Variants in PKHD1 observed in about 807,000 individuals in gnomAD.
PKHD1 encodes fibrocystin.
A neutral mutation model predicts 412.0 loss-of-function variants in PKHD1; 291 were observed. The observed-to-expected ratio is 0.71, with a 90% confidence interval of 0.64 to 0.78. PKHD1 has a LOEUF of 0.78. PKHD1 is among the 30% of genes least tolerant of loss of function. The probability of loss-of-function intolerance (pLI) is 0.00; values close to 1 mark genes in which losing one functional copy is unlikely to be tolerated. For synonymous variants in PKHD1, 1,777 were observed against 1,821.5 expected, an observed-to-expected ratio of 0.98 and a Z score of 0.62; for missense variants, 4,825 against 4,950.7, an observed-to-expected ratio of 0.97 and a Z score of 0.76.
chr6:52,018,867 A>G (rs114848361), intron 33 of PKHD1, among the ~76,000 whole-genome samples: 9 of 152,332 alleles, frequency 5.9e-5, no homozygotes, highest in African/African-American at 2.2e-4. Flanking sequence ...CTCTTCTGTG[A>G]AATTCCTGTT....
At chr6:51,759,479 C>G (rs1787612869) in intron 55 of PKHD1, among the ~76,000 whole-genome samples, 1 of 151,892 alleles carries the variant, frequency 6.6e-6, no homozygotes, top group African/African-American at 2.4e-5. Flanking sequence ...GGTGGTATAG[C>G]TAGGAAAAGC....
intron 48 of PKHD1, among the ~76,000 whole-genome samples, chr6:51,861,555 G>C (rs961869941): frequency 6.6e-6 from 1 of 152,202 alleles, no homozygotes; most frequent in African/African-American, 2.4e-5. Flanking sequence ...GCACAAAGGG[G>C]AAGAAAAATC....
intron 60 of PKHD1, among the ~76,000 whole-genome samples, chr6:51,725,613 G>C (rs1222697343): frequency 6.6e-6 from 1 of 152,152 alleles, no homozygotes; most frequent in Non-Finnish European, 1.5e-5. Context: ...AATTAATGGT[G>C]GTTTAATGGG....
chr6:51,690,476 C>T (rs1467061855), intron 60 of PKHD1, among the ~76,000 whole-genome samples: 1 of 151,956 alleles, frequency 6.6e-6, no homozygotes, highest in Non-Finnish European at 1.5e-5. Context: ...AGACACAGAC[C>T]AATGAAACAG....
chr6:51,652,421 G>A (rs1399594535), intron 61 of PKHD1, among the ~76,000 whole-genome samples: 3 of 152,096 alleles, frequency 2.0e-5, no homozygotes, highest in Non-Finnish European at 4.4e-5. Context: ...CTACTGTGGT[G>A]GGGTGAGGTG....
intron 53 of PKHD1, among the ~76,000 whole-genome samples, chr6:51,776,661 G>T (rs1211952458): frequency 6.6e-6 from 1 of 152,034 alleles, no homozygotes; most frequent in Non-Finnish European, 1.5e-5. Context: ...TAAGGGACTT[G>T]TCTAAATTGA....
chr6:51,742,691 T>C (rs1475790307), intron 60 of PKHD1, among the ~76,000 whole-genome samples: 1 of 151,884 alleles, frequency 6.6e-6, no homozygotes, highest in East Asian at 1.9e-4. Flanking sequence ...TACACATCAG[T>C]GAACAACAAA....
intron 35 of PKHD1, among the ~76,000 whole-genome samples, chr6:51,986,641 G>T (rs1796253253): frequency 6.6e-6 from 1 of 152,140 alleles, no homozygotes; most frequent in Non-Finnish European, 1.5e-5. Context: ...TCAAGTAAAA[G>T]GACAGAAAAG....
At chr6:51,774,512 C>T (rs1790677685) in intron 54 of PKHD1, among the ~76,000 whole-genome samples, 1 of 151,748 alleles carries the variant, frequency 6.6e-6, no homozygotes, top group Admixed American at 6.6e-5. Flanking sequence ...TCTAGTTTGT[C>T]AACTTAGAAA....
rs765300669 is a variant in PKHD1, at chr6:52,026,038, G to A, written c.3772C>T (p.Pro1258Ser). 6.2e-6 allele frequency: 10 copies of A among 1,614,080 alleles called. No individual in the cohort carries two copies. The East Asian group carries it at 2.0e-4, about 32-fold the overall frequency. Reference sequence around the variant, plus strand: ...GGAACAGTGGGAGCGCCCGCATCGGGTATCTGGGGGGCTGGCAGGGTTTCA... The same window carrying A: ...GGAACAGTGGGAGCGCCCGCATCGGATATCTGGGGGGCTGGCAGGGTTTCA... ...WCETLPAPQI[P>S]DAGAPTVPAA... is the part of the protein sequence containing the mutation. Residue 1258 changes from proline to serine, a missense_variant, in exon 32 of 67, where the codon CCC becomes TCC. Coordinates refer to ENST00000371117, the MANE Select transcript of PKHD1 (RefSeq NM_138694.4).
intron 60 of PKHD1, among the ~76,000 whole-genome samples, chr6:51,723,658 G>A (rs1045292576): frequency 1.1e-4 from 16 of 152,174 alleles, no homozygotes; most frequent in Admixed American, 1.0e-3. Flanking sequence ...TTTTGGACTA[G>A]TTATGTGTGG....
chr6:51,748,661 G>A lies in PKHD1; in HGVS notation c.8955C>T (p.Val2985=), dbSNP rs1324020809. 7 of 1,613,490 alleles carry A rather than the reference G, an allele frequency of 4.3e-6. No homozygotes were observed. Among genetic ancestry groups the A allele is most frequent in the Non-Finnish European group, 5.1e-6 (6 of 1,179,656 alleles). Residue 2985 remains valine (V), a synonymous_variant, in exon 58 of 67, where the codon GTC becomes GTT. Transcript: ENST00000371117. ...GAATTTCCACATTAAGAAGTTGAAG[G>A]ACACCTATAAACAAATGCATGTCAT... The part of the protein sequence containing the change: ...RKSSREEFSG[V]LQLLNVEIQN...
chr6:52,062,810 G>A, intron 13 of PKHD1, 150 bp from the exon 14 acceptor site: 2 of 895,334 alleles, frequency 2.2e-6, no homozygotes, highest in East Asian at 5.1e-5. Flanking sequence ...TTATATGAAA[G>A]GTTCTGTAGT....
chr6:51,911,912 T>C lies in PKHD1; in HGVS notation c.6377A>G (p.His2126Arg), dbSNP rs1243616524. 6.2e-7 allele frequency: 1 copy of C among 1,612,032 alleles called. No individual in the cohort carries two copies. The highest frequency in any genetic ancestry group is 1.3e-5 in the African/African-American group (1 of 74,834). Residue 2126 changes from histidine to arginine, a missense_variant, in exon 39 of 67, where the codon CAT (histidine) becomes CGT (arginine). By Grantham distance (29) the His-to-Arg change is conservative. Coordinates refer to ENST00000371117, the MANE Select transcript of PKHD1 (RefSeq NM_138694.4). ...CAGAGCCACAGTGGCCTTTAAAATA[T>C]GGTGCTCTCCAGCCACCCAATTCTC... ...FTENWVAGEH[H>R]ILKATVALLS...
chr6:51,989,526 T>C (rs1355533301), intron 35 of PKHD1, among the ~76,000 whole-genome samples: 2 of 152,166 alleles, frequency 1.3e-5, no homozygotes, highest in Non-Finnish European at 2.9e-5. Flanking sequence ...CAGAGAGTTA[T>C]CACAGAATTG....
At chr6:51,919,615 C>T (rs2145328) in intron 37 of PKHD1, among the ~76,000 whole-genome samples, 1 of 152,124 alleles carries the variant, frequency 6.6e-6, no homozygotes, top group East Asian at 1.9e-4. Context: ...AATGCAGGCT[C>T]TTTTTTGGTT....
chr6:51,847,488 G>A (rs1405010806), intron 50 of PKHD1, among the ~76,000 whole-genome samples: 1 of 152,108 alleles, frequency 6.6e-6, no homozygotes, highest in African/African-American at 2.4e-5. Flanking sequence ...AGTTTTACAT[G>A]TTATTCTTTA....
chr6:52,055,809 AT>A, intron 18 of PKHD1, 80 bp from the exon 19 acceptor site: 2 of 1,449,736 alleles, frequency 1.4e-6, no homozygotes, highest in Non-Finnish European at 9.5e-7. Flanking sequence ...GTGCATGAGG[AT>A]TTTAGAGTAT....
chr6:52,025,302 A>C lies in PKHD1; in HGVS notation c.4508T>G (p.Leu1503Arg), dbSNP rs1562164295. 1 of 1,614,066 alleles carries C rather than the reference A, an allele frequency of 6.2e-7. No homozygotes were observed. Among genetic ancestry groups the C allele is most frequent in the Non-Finnish European group, 8.5e-7 (1 of 1,179,990 alleles). The part of the protein sequence containing the change: ...TNTSGSLTTV[L>R]IRGQRLATTA... ...GGTGGCTAACCTCTGACCCCTAATC[A>C]GCACAGTGGTCAGAGACCCACTGGT... The change falls in exon 32 of 67, where the codon CTG becomes CGG. Residue 1503 changes from leucine to arginine, a missense_variant. Transcript: ENST00000371117.
Sources: gnomAD v4.1 joint callset for allele counts (sites outside exome capture counted in the v4.1 genomes callset) on GRCh38, gnomAD v4.1.1 for gene constraint, MANE v1.5 for transcripts, NCBI Gene and HGNC (gene_info 2026-07-23, HGNC 2026-07-21) for gene names.